PLG: variants seen among roughly 807,000 people sequenced by gnomAD.
The protein encoded by PLG is plasmin.
In PLG, 41 loss-of-function variants were observed where a neutral mutation model predicts 104.4. The ratio of observed to expected loss-of-function variants is 0.39; its 90% CI spans 0.31 to 0.51. The LOEUF is 0.51. Ranked by LOEUF, PLG falls within the 20% of genes least tolerant of loss-of-function variation. PLG has a pLI of 0.76. For synonymous variants in PLG, 337 were observed against 357.1 expected (o/e 0.94, Z 0.63); for missense variants, 891 against 1,003.6 (o/e 0.89, Z 1.52).
rs768997330 is a variant in PLG, at chr6:160,734,044, C to G, written c.1637C>G (p.Thr546Arg). Residue 546 changes from threonine (T) to arginine (R), a missense_variant, in exon 13 of 19, where the codon ACA (threonine) becomes AGA (arginine). By Grantham distance (71) the Thr-to-Arg change is moderately conservative. Coordinates refer to ENST00000308192, the MANE Select transcript of PLG (RefSeq NM_000301.5). This position sits in a 1 kb window ranked among gnomAD's most constrained non-coding sequence, Gnocchi z 4.4. ...GDVGGPWCYT[T>R]NPRKLYDYCD... is the part of the protein sequence containing the mutation. ...GTAGGTGGTCCCTGGTGCTACACGA[C>G]AAATCCAAGAAAACTTTACGACTAC... 3 of 1,611,948 alleles carry G rather than the reference C, an allele frequency of 1.9e-6. No homozygotes were observed. The Admixed American group carries it at 5.0e-5, about 27-fold the overall frequency.
chr6:160,736,902 A>C lies in PLG; in HGVS notation c.1697A>C (p.Asp566Ala), dbSNP rs1778090805. The C allele has an allele frequency of 6.2e-7, 1 of 1,613,812 alleles. No homozygotes were observed. Among genetic ancestry groups the C allele is most frequent in the Non-Finnish European group, 8.5e-7 (1 of 1,179,910 alleles). ...TGTGCCACAGCGGCCCCTTCATTTG[A>C]TTGTGGGAAGCCTCAAGTGGAGCCG... ...DVPQCAAPSFDCGKPQVEPKK... is the reference protein window; with the variant it reads ...DVPQCAAPSFACGKPQVEPKK... Residue 566 changes from aspartate (D) to alanine (A), a missense_variant, in exon 14 of 19, where the codon GAT becomes GCT. Physicochemically the swap from Asp to Ala is moderately radical, Grantham distance 126. This residue lies in a region of PLG where 854 missense variants were observed against 932.1 expected (regional missense o/e 0.92). Coordinates refer to ENST00000308192, the MANE Select transcript of PLG (RefSeq NM_000301.5). This position sits in a 1 kb window ranked among gnomAD's most constrained non-coding sequence, Gnocchi z 5.2.
At chr6:160,727,090 A>G (rs930036026) in intron 10 of PLG, among the ~76,000 whole-genome samples, 1 of 151,982 alleles carries the variant, frequency 6.6e-6, no homozygotes, top group Admixed American at 6.6e-5. Flanking sequence ...AAAAAAAGGG[A>G]AGAGTCATTG....
In PLG at chr6:160,724,336, G is replaced by A. The variant is rs1777891252; in HGVS notation, c.1256+1769G>A. Among the ~76,000 whole-genome samples the A allele has an allele frequency of 2.0e-5, 3 of 152,036 alleles. No individual in the cohort carries two copies. In the South Asian group the frequency reaches 6.2e-4, roughly 32 times the overall value. On this transcript the variant is annotated intron_variant, in intron 10 of 18. Transcript: ENST00000308192. This position sits in a 1 kb window ranked among gnomAD's most constrained non-coding sequence, Gnocchi z 5.0. The stretch of plus-strand genomic sequence containing the variant: ...GTGCATGTTTAATGAAAAATGTACT[G>A]GCTACCCTTACCATCAGGTTAGACA...
chr6:160,722,311 A>G, intron 9 of PLG, 97 bp from the exon 10 acceptor site: 1 of 807,246 alleles, frequency 1.2e-6, no homozygotes, highest in African/African-American at 1.7e-5. Flanking sequence ...AACAGTCATA[A>G]TTCTCAGAGG....
intron 17 of PLG, among the ~76,000 whole-genome samples, chr6:160,745,729 T>A (rs541374085): frequency 6.6e-6 from 1 of 152,294 alleles, no homozygotes; most frequent in East Asian, 1.9e-4. Flanking sequence ...GGTTTTATAG[T>A]GTCATTGGTC....
intron 1 of PLG, among the ~76,000 whole-genome samples, chr6:160,704,978 G>T (rs1193160271): frequency 2.0e-5 from 3 of 152,214 alleles, no homozygotes; most frequent in Admixed American, 1.3e-4. Flanking sequence ...TCCCCTGACC[G>T]CATGTTCCCT....
At chr6:160,707,905 A>T in intron 3 of PLG, 99 bp downstream of exon 3, 2 of 1,039,166 alleles carry the variant, frequency 1.9e-6, no homozygotes, top group Non-Finnish European at 3.0e-6. Context: ...CAGAGGAGGA[A>T]GGCACTATCG....
intron 1 of PLG, chr6:160,705,400 C>G (rs1012509430): frequency 6.6e-6 from 1 of 152,154 alleles, no homozygotes; most frequent in Admixed American, 6.5e-5. Flanking sequence ...GATTTGATCT[C>G]AAAGAAAAAC....
chr6:160,750,036 A>G (rs1016699281), intron 17 of PLG, among the ~76,000 whole-genome samples: 1 of 152,226 alleles, frequency 6.6e-6, no homozygotes, highest in African/African-American at 2.4e-5. Flanking sequence ...GTCACAAAAC[A>G]TAACTCAGGC....
rs764925493 is a variant in PLG, at chr6:160,731,844, A to T, written c.1538A>T (p.His513Leu). Residue 513 changes from histidine to leucine, a missense_variant, in exon 12 of 19, where the codon CAC becomes CTC. Around this residue, in one of 2 missense-constraint regions of PLG, gnomAD observed 854 missense variants for 932.1 expected, o/e 0.92. Coordinates refer to ENST00000308192, the MANE Select transcript of PLG (RefSeq NM_000301.5). This position sits in a 1 kb window ranked among gnomAD's most constrained non-coding sequence, Gnocchi z 5.1. ...TGGGCTGCCCAGGAGCCCCATAGAC[A>T]CAGCATTTTCACTCCAGAGACAAAT... ...QDWAAQEPHR[H>L]SIFTPETNPR... is the part of the protein sequence containing the mutation. 1.2e-6 allele frequency: 2 copies of T among 1,614,148 alleles called. No individual in the cohort carries two copies. The highest frequency in any genetic ancestry group is 1.7e-6 in the Non-Finnish European group (2 of 1,180,004).
At position 160,720,410 on chromosome 6, in the gene PLG, C is replaced by CTTTTTTTTTTTTTTT. The variant is rs3057066; in HGVS notation, c.1096+1585_1096+1599dup. On this transcript the variant is annotated intron_variant, in intron 9 of 18. Coordinates refer to ENST00000308192, the MANE Select transcript of PLG (RefSeq NM_000301.5). Reference sequence around the variant, plus strand: ...TCTTTTCTCTTTTTTCTTTTCTTTTCTTTTTTTTTTTTTTTTTTTTTTTTT... The same window carrying CTTTTTTTTTTTTTTT: ...TCTTTTCTCTTTTTTCTTTTCTTTTCTTTTTTTTTTTTTTTTTTTTTTTTTTTTTTTTTTTTTTTT... Among the ~76,000 whole-genome samples, 8 of 58,526 alleles carry CTTTTTTTTTTTTTTT rather than the reference C, an allele frequency of 1.4e-4. 2 individuals are homozygous for CTTTTTTTTTTTTTTT. The highest frequency in any genetic ancestry group is 5.4e-4 in the African/African-American group (7 of 12,930). 38.4% of individuals were successfully genotyped at this position (58,526 alleles called of 152,430 possible). A position where few individuals can be genotyped will look rare whatever the true frequency, so the allele number is the denominator to read the frequency against.
intron 17 of PLG, among the ~76,000 whole-genome samples, chr6:160,742,131 T>A (rs906351132): frequency 1.3e-5 from 2 of 152,216 alleles, no homozygotes; most frequent in Non-Finnish European, 2.9e-5. Flanking sequence ...TTCATGTGCA[T>A]GTGTCTTTAG....
intron 4 of PLG, 66 bp downstream of exon 4, chr6:160,711,257 A>T (rs566645496): frequency 7.9e-5 from 118 of 1,491,530 alleles, no homozygotes; most frequent in Middle Eastern, 1.7e-4. Context: ...TCTGTGAGGG[A>T]TTGGTTCCAG....
In PLG at chr6:160,735,024, T is replaced by G. The variant is rs1778064134; in HGVS notation, c.1681+936T>G. Among the ~76,000 whole-genome samples, 1 of 152,114 alleles carries G rather than the reference T, an allele frequency of 6.6e-6. No homozygotes were observed. Among genetic ancestry groups the G allele is most frequent in the Non-Finnish European group, 1.5e-5 (1 of 68,026 alleles). Reference sequence around the variant, plus strand: ...GGAGCCACACTGCCCAGCTTCGCATTTGGGCTTCTCCTAGGGACACCAAGA... The same window carrying G: ...GGAGCCACACTGCCCAGCTTCGCATGTGGGCTTCTCCTAGGGACACCAAGA... On this transcript the variant is annotated intron_variant, in intron 13 of 18. Transcript: ENST00000308192. The surrounding 1 kb of genome is among the most constrained non-coding windows in gnomAD (Gnocchi z 5.4).
At chr6:160,703,637 A>T (rs1322482882) in intron 1 of PLG, among the ~76,000 whole-genome samples, 1 of 152,228 alleles carries the variant, frequency 6.6e-6, no homozygotes, top group Non-Finnish European at 1.5e-5. Flanking sequence ...AATTTAGTGG[A>T]AGCCATTCAA....
chr6:160,734,030 C>G lies in PLG; in HGVS notation c.1623C>G (p.Pro541=). ...CRNPDGDVGG[P]WCYTTNPRKL... is the part of the protein sequence containing the mutation. ...ACCCTGATGGTGATGTAGGTGGTCC[C>G]TGGTGCTACACGACAAATCCAAGAA... Residue 541 remains proline (P), a synonymous_variant, in exon 13 of 19, where the codon CCC becomes CCG. Coordinates refer to ENST00000308192, the MANE Select transcript of PLG (RefSeq NM_000301.5). This position sits in a 1 kb window ranked among gnomAD's most constrained non-coding sequence, Gnocchi z 4.4. 1.9e-6 allele frequency: 3 copies of G among 1,611,180 alleles called. No homozygotes were observed. The highest frequency in any genetic ancestry group is 2.5e-6 in the Non-Finnish European group (3 of 1,177,484).
chr6:160,749,986 C>T (rs531748493), intron 17 of PLG, among the ~76,000 whole-genome samples: 1 of 152,326 alleles, frequency 6.6e-6, no homozygotes, highest in East Asian at 1.9e-4. Context: ...CCAGAGCCCA[C>T]TCACTGTTTC....
Position 160,738,965 on chromosome 6 carries a change from T to A in PLG, c.1878-103T>A. 1 of 1,376,504 alleles carries A rather than the reference T, an allele frequency of 7.3e-7. No homozygotes were observed. Among genetic ancestry groups the A allele is most frequent in the Non-Finnish European group, 1.0e-6 (1 of 966,426 alleles). The allele number at this position is 1,376,504 out of a possible 1,614,324, so 85.3% of individuals were successfully genotyped here. A position where few individuals can be genotyped will look rare whatever the true frequency, so the allele number is the denominator to read the frequency against. Reference sequence around the variant, plus strand: ...CTTGCCACTCAGAAGTCACTAATTCTGAGTGGCCAAGGGTGTCAGGGAGAC... The same window carrying A: ...CTTGCCACTCAGAAGTCACTAATTCAGAGTGGCCAAGGGTGTCAGGGAGAC... On this transcript the variant is annotated intron_variant, in intron 15 of 18. Coordinates refer to ENST00000308192, the MANE Select transcript of PLG (RefSeq NM_000301.5). The surrounding 1 kb of genome is among the most constrained non-coding windows in gnomAD (Gnocchi z 6.8).
At position 160,749,553 on chromosome 6, in the gene PLG, A is replaced by G. The variant is rs192549039; in HGVS notation, c.2126-2562A>G. Among the ~76,000 whole-genome samples, 334 of 149,074 alleles carry G rather than the reference A, an allele frequency of 2.2e-3. 4 individuals carry two copies. The highest frequency in any genetic ancestry group is 0.021 in the Admixed American group (312 of 14,960). On this transcript the variant is annotated intron_variant, in intron 17 of 18. Coordinates refer to ENST00000308192, the MANE Select transcript of PLG (RefSeq NM_000301.5). ...CACCATCACCATCATCACCACCATC[A>G]CCATCATTATCAACCATCATCACCA...
Sources: allele counts gnomAD v4.1 joint callset (sites outside exome capture counted in the v4.1 genomes callset), GRCh38; gene constraint gnomAD v4.1.1; regional missense constraint gnomAD v4.1.1; non-coding constraint Gnocchi (gnomAD v3.1); transcripts MANE v1.5; gene names NCBI Gene and HGNC (gene_info 2026-07-23, HGNC 2026-07-21).